The following GPC6 variants were observed in gnomAD, a reference collection of about 807,000 sequenced individuals.
GPC6 encodes glypican 6, also known as glypican-6.
In GPC6, 14 loss-of-function variants were observed where a neutral mutation model predicts 55.2. The observed-to-expected ratio is 0.25, with a 90% CI of 0.17 to 0.40. GPC6 has a LOEUF of 0.40. Ranked by LOEUF, GPC6 falls within the 10% of genes least tolerant of loss-of-function variation. The probability of loss-of-function intolerance (pLI) is 1.00; values close to 1 mark genes in which losing one functional copy is unlikely to be tolerated. For synonymous variants in GPC6, 278 were observed against 259.6 expected, an observed-to-expected ratio of 1.07 and a Z score of -0.68; for missense variants, 641 against 708.5, an observed-to-expected ratio of 0.90 and a Z score of 1.08.
rs541321885 is a variant in GPC6 at position 93,497,277 on chromosome 13, A to G, written c.161-47986A>G. Among the ~76,000 whole-genome samples, 11 of 152,348 alleles carry G rather than the reference A, an allele frequency of 7.2e-5. No individual in the cohort carries two copies. In the South Asian group the frequency reaches 2.1e-3, roughly 29 times the overall value. ...CTCATGTGAAAGCTAAAGTAACACC[A>G]CTTTCTTTATCATAAGGTGATGAGA... On this transcript the variant is annotated intron_variant, in intron 1 of 8. Coordinates refer to ENST00000377047, the MANE Select transcript of GPC6 (RefSeq NM_005708.5).
At chr13:94,215,130 A>ATTGTTGAAAAGT (rs1890189143) in intron 4 of GPC6, among the ~76,000 whole-genome samples, 1 of 152,224 alleles carries the variant, frequency 6.6e-6, no homozygotes, top group African/African-American at 2.4e-5. Context: ...TCCTCACTGT[A>ATTGTTGAAAAGT]TTGTTGAAAA....
chr13:94,184,986 T>C (rs949462806), intron 4 of GPC6, among the ~76,000 whole-genome samples: 2 of 152,176 alleles, frequency 1.3e-5, no homozygotes, highest in African/African-American at 4.8e-5. Flanking sequence ...ATCATGTCCT[T>C]TGCAGCAACA....
chr13:93,296,131 G>A (rs1351957727), intron 1 of GPC6, among the ~76,000 whole-genome samples: 1 of 152,136 alleles, frequency 6.6e-6, no homozygotes, highest in African/African-American at 2.4e-5. Flanking sequence ...TCAGCCTGTA[G>A]CACTTCTCTT....
chr13:93,292,824 T>G (rs150000916), intron 1 of GPC6, among the ~76,000 whole-genome samples: 133 of 152,294 alleles, frequency 8.7e-4, no homozygotes, highest in African/African-American at 3.1e-3. Flanking sequence ...AGGTGTCAAT[T>G]TCTACAATTA....
rs867145812 is a variant in GPC6, at chr13:93,677,612, A to G, written c.319+132191A>G. Reference sequence around the variant, plus strand: ...TGAGACTAAACTGTGCTCAGACTGTAAACAAATCATCAGCAGTGGATAAAG... The same window carrying G: ...TGAGACTAAACTGTGCTCAGACTGTGAACAAATCATCAGCAGTGGATAAAG... On this transcript the variant is annotated intron_variant, in intron 2 of 8. Coordinates refer to ENST00000377047, the MANE Select transcript of GPC6 (RefSeq NM_005708.5). 4.6e-5 allele frequency among the ~76,000 whole-genome samples: 7 copies of G among 152,172 alleles called. No homozygotes were observed. The South Asian group carries it at 1.0e-3, about 22-fold the overall frequency.
chr13:93,565,736 A>G (rs1213058137), intron 2 of GPC6, among the ~76,000 whole-genome samples: 1 of 152,120 alleles, frequency 6.6e-6, no homozygotes, highest in Non-Finnish European at 1.5e-5. Flanking sequence ...AGCCTGACCA[A>G]CATAGTGAAA....
At chr13:93,419,151 T>C (rs1161769025) in intron 1 of GPC6, among the ~76,000 whole-genome samples, 1 of 151,002 alleles carries the variant, frequency 6.6e-6, no homozygotes, top group African/African-American at 2.4e-5. Flanking sequence ...AAAATGCATG[T>C]AGAAAGGTCT....
intron 3 of GPC6, among the ~76,000 whole-genome samples, chr13:93,973,531 A>G (rs1476509465): frequency 6.7e-6 from 1 of 149,004 alleles, no homozygotes; most frequent in Non-Finnish European, 1.5e-5. Context: ...TTATCTAACT[A>G]TGATTTCTAT....
chr13:93,569,422 G>A (rs1334464910), intron 2 of GPC6, among the ~76,000 whole-genome samples: 1 of 152,016 alleles, frequency 6.6e-6, no homozygotes, highest in Non-Finnish European at 1.5e-5. Context: ...TCATCTATGT[G>A]GCATTAAAGA....
chr13:93,304,311 G>A (rs934445139), intron 1 of GPC6, among the ~76,000 whole-genome samples: 1 of 152,224 alleles, frequency 6.6e-6, no homozygotes, highest in African/African-American at 2.4e-5. Flanking sequence ...CCAAGGCTGT[G>A]AGGCATAGTC....
chr13:93,663,862 A>G (rs1881029070), intron 2 of GPC6, among the ~76,000 whole-genome samples: 1 of 152,224 alleles, frequency 6.6e-6, no homozygotes, highest in Non-Finnish European at 1.5e-5. Context: ...CAAAAGAAGT[A>G]GCTGAACCAG....
At chr13:94,284,808 A>C (rs933152176) in intron 4 of GPC6, among the ~76,000 whole-genome samples, 1 of 151,962 alleles carries the variant, frequency 6.6e-6, no homozygotes, top group Non-Finnish European at 1.5e-5. Flanking sequence ...ATTTTGATTA[A>C]TAAGAACTAC....
intron 6 of GPC6, among the ~76,000 whole-genome samples, chr13:94,356,698 C>T (rs1289464403): frequency 3.3e-5 from 5 of 151,904 alleles, no homozygotes; most frequent in Non-Finnish European, 7.4e-5. Flanking sequence ...GCAGGGAGCA[C>T]GTGGAAAGGG....
intron 4 of GPC6, among the ~76,000 whole-genome samples, chr13:94,034,200 A>AGAAGGAAG (rs575821539): frequency 0.022 from 1,626 of 72,682 alleles, 42 homozygotes; most frequent in South Asian, 0.046. Flanking sequence ...AAAGAAAGAA[A>AGAAGGAAG]GAAGGAAGGA....
chr13:93,707,248 T>G (rs1594388132), intron 2 of GPC6, among the ~76,000 whole-genome samples: 1 of 150,668 alleles, frequency 6.6e-6, no homozygotes, highest in African/African-American at 2.4e-5. Context: ...GGGTGGAGGG[T>G]GAGAGGAGGG....
Position 93,638,550 on chromosome 13 carries a change from T to TA in GPC6, c.319+93130dup, listed in dbSNP as rs1299763917. Among the ~76,000 whole-genome samples the TA allele has an allele frequency of 1.2e-4, 19 of 152,288 alleles. No homozygotes were observed. The East Asian group carries it at 1.7e-3, about 14-fold the overall frequency. ...ATGAATAGAATCATCTGTCTGGACA[T>TA]ACAGCAATAACTCTTTCCAAGGCAT... On this transcript the variant is annotated intron_variant, in intron 2 of 8. Coordinates refer to ENST00000377047, the MANE Select transcript of GPC6 (RefSeq NM_005708.5).
intron 2 of GPC6, among the ~76,000 whole-genome samples, chr13:93,756,473 GC>G (rs1884774741): frequency 6.6e-6 from 1 of 152,096 alleles, no homozygotes; most frequent in South Asian, 2.1e-4. Context: ...TTACAAAATG[GC>G]CACCATATAA....
At chr13:93,547,510 C>T (rs192406721) in intron 2 of GPC6, among the ~76,000 whole-genome samples, 1 of 152,186 alleles carries the variant, frequency 6.6e-6, no homozygotes, top group African/African-American at 2.4e-5. Context: ...CACTTACTCC[C>T]TCCCTATAGG....
At chr13:93,618,452 G>C (rs1035549137) in intron 2 of GPC6, among the ~76,000 whole-genome samples, 1 of 152,038 alleles carries the variant, frequency 6.6e-6, no homozygotes, top group Non-Finnish European at 1.5e-5. Context: ...CTCCACATTT[G>C]TACAGGGCTT....
Sources: gnomAD v4.1 joint callset for allele counts (sites outside exome capture counted in the v4.1 genomes callset) on GRCh38, gnomAD v4.1.1 for gene constraint, MANE v1.5 for transcripts, NCBI Gene and HGNC (gene_info 2026-07-23, HGNC 2026-07-21) for gene names.